IL16: variants seen among roughly 807,000 people sequenced by gnomAD.
The protein encoded by IL16 is pro-interleukin-16.
In IL16, 67 loss-of-function variants were observed where a neutral mutation model predicts 110.1. The observed-to-expected ratio is 0.61, with a 90% CI of 0.50 to 0.75. The LOEUF is 0.75. Among genes scored for constraint, IL16 ranks in the 30% least tolerant of loss-of-function variants. The probability of loss-of-function intolerance (pLI) is 0.00; values close to 1 mark genes in which losing one functional copy is unlikely to be tolerated. For synonymous variants in IL16, 689 were observed against 662.9 expected (o/e 1.04, Z -0.61); for missense variants, 1,545 against 1,655.0 (o/e 0.93, Z 1.15).
intron 1 of IL16, among the ~76,000 whole-genome samples, 185 bp from the exon 2 acceptor site, chr15:81,225,114 C>T (rs68193205): frequency 0.084 from 12,831 of 152,140 alleles, 554 homozygotes; most frequent in Middle Eastern, 0.1. Context: ...GGGTGTTAAC[C>T]GCTTGGGTTA....
chr15:81,243,165 T>TATATATATATA (rs1595985718), intron 2 of IL16, among the ~76,000 whole-genome samples: 1 of 13,378 alleles, frequency 7.5e-5, no homozygotes, highest in African/African-American at 3.9e-4. Flanking sequence ...ATATATATAT[T>TATATATATATA]TTTTTTTTTT....
At chr15:81,279,801 G>A in intron 8 of IL16, 27 bp downstream of exon 8, 2 of 1,597,332 alleles carry the variant, frequency 1.3e-6, no homozygotes, top group Non-Finnish European at 1.7e-6. Flanking sequence ...TGTGTCCCGT[G>A]CCTGGGTCTC....
At chr15:81,281,942 CA>C (rs767725050) in intron 8 of IL16, among the ~76,000 whole-genome samples, 1 of 152,208 alleles carries the variant, frequency 6.6e-6, no homozygotes, top group South Asian at 2.1e-4. Context: ...TTTCCCTTCA[CA>C]GTAGCCAGAT....
chr15:81,221,683 TA>T (rs34717132), intron 1 of IL16, among the ~76,000 whole-genome samples: 148 of 148,734 alleles, frequency 1.0e-3, no homozygotes, highest in Middle Eastern at 3.5e-3. Context: ...TCTCTTCCTT[TA>T]AAAAAAAAAA....
At position 81,300,185 on chromosome 15, in the gene IL16, A is replaced by T. The variant is rs888608411; in HGVS notation, c.2859A>T (p.Gln953His). 1 of 1,614,164 alleles carries T rather than the reference A, an allele frequency of 6.2e-7. No individual in the cohort carries two copies. The highest frequency in any genetic ancestry group is 1.3e-5 in the African/African-American group (1 of 75,038). The change falls in exon 14 of 19, where the codon CAA becomes CAT. Residue 953 changes from glutamine to histidine, a missense_variant. By Grantham distance (24) the Gln-to-His change is conservative. Around this residue, in one of 3 missense-constraint regions of IL16, gnomAD observed 1,185 missense variants for 1,238.8 expected, o/e 0.96. Transcript: ENST00000683961. ...RLLSTQAEESQGPVLKMPSQR... is the reference protein window; with the variant it reads ...RLLSTQAEESHGPVLKMPSQR... ...TGTCAACACAGGCTGAGGAATCTCAAGGCCCAGTGCTCAAGATGCCTAGCC... is the reference window on the plus strand; with the variant it reads ...TGTCAACACAGGCTGAGGAATCTCATGGCCCAGTGCTCAAGATGCCTAGCC...
At chr15:81,234,809 A>C (rs1040329139) in intron 2 of IL16, among the ~76,000 whole-genome samples, 21 of 152,266 alleles carry the variant, frequency 1.4e-4, no homozygotes, top group African/African-American at 5.1e-4. Flanking sequence ...CTAAAAAGTT[A>C]TAAGTCAAGG....
intron 1 of IL16, among the ~76,000 whole-genome samples, chr15:81,218,509 A>T (rs942992910): frequency 6.6e-6 from 1 of 152,196 alleles, no homozygotes; most frequent in Non-Finnish European, 1.5e-5. Flanking sequence ...CTACTAGCTG[A>T]CAAAATTAAG....
Position 81,225,430 on chromosome 15 carries a change from A to G in IL16, c.31A>G (p.Arg11Gly), listed in dbSNP as rs1339578125. 1 of 1,614,198 alleles carries G rather than the reference A, an allele frequency of 6.2e-7. No homozygotes were observed. Among genetic ancestry groups the G allele is most frequent in the East Asian group, 2.2e-5 (1 of 44,880 alleles). MESHSRAGKS[R>G]KSAKFRSISR... The stretch of plus-strand genomic sequence containing the variant: ...GTCGCACAGCCGCGCTGGAAAGAGC[A>G]GAAAATCTGCAAAATTTCGGTCCAT... The change falls in exon 2 of 19, where the codon AGA becomes GGA. Residue 11 changes from arginine to glycine, a missense_variant. Physicochemically the swap from Arg to Gly is moderately radical, Grantham distance 125. Around this residue, in one of 3 missense-constraint regions of IL16, gnomAD observed 1,185 missense variants for 1,238.8 expected, o/e 0.96. Transcript: ENST00000683961.
At chr15:81,205,850 A>C (rs1895997382) in intron 1 of IL16, among the ~76,000 whole-genome samples, 1 of 152,218 alleles carries the variant, frequency 6.6e-6, no homozygotes, top group Admixed American at 6.5e-5. Flanking sequence ...AATTAAAAGA[A>C]AGTGAGGTGT....
At chr15:81,228,127 G>C (rs1896848679) in intron 2 of IL16, among the ~76,000 whole-genome samples, 1 of 152,110 alleles carries the variant, frequency 6.6e-6, no homozygotes, top group East Asian at 1.9e-4. Flanking sequence ...GGAGAGGTCT[G>C]AATGCTTATG....
chr15:81,301,703 G>A (rs567357588), intron 15 of IL16, among the ~76,000 whole-genome samples, 191 bp downstream of exon 15: 1 of 152,328 alleles, frequency 6.6e-6, no homozygotes, highest in South Asian at 2.1e-4. Context: ...CTTTTAGCTT[G>A]TGAACCACTT....
intron 12 of IL16, 92 bp from the exon 13 acceptor site, chr15:81,296,836 T>C (rs1900007888): frequency 8.7e-7 from 1 of 1,155,564 alleles, no homozygotes; most frequent in Non-Finnish European, 1.2e-6. Flanking sequence ...CAGCTCAATA[T>C]CCGTTTTTCC....
rs912276269 is a variant in IL16 at position 81,300,580 on chromosome 15, T to C, written c.3149+105T>C. ...ATATAATTTAAAAAATTCCCAGATA[T>C]ATTGATTAAAGAATTGTTCTGCCTC... On this transcript the variant is annotated intron_variant, in intron 14 of 18. Transcript: ENST00000683961. The C allele has an allele frequency of 1.1e-5, 8 of 696,396 alleles. No homozygotes were observed. The African/African-American group carries it at 1.3e-4, about 11-fold the overall frequency. The allele number at this position is 696,396 out of a possible 1,614,324, so 43.1% of individuals were successfully genotyped here. A position where few individuals can be genotyped will look rare whatever the true frequency, so the allele number is the denominator to read the frequency against.
rs544386450 is a variant in IL16, at chr15:81,257,478, C to T, written c.313-2294C>T. Among the ~76,000 whole-genome samples the T allele has an allele frequency of 2.3e-4, 35 of 152,274 alleles. 1 individual carries two copies. The East Asian group carries it at 4.2e-3, about 18-fold the overall frequency. On this transcript the variant is annotated intron_variant, in intron 2 of 18. Coordinates refer to ENST00000683961, the MANE Select transcript of IL16 (RefSeq NM_172217.5). ...CAACACATTCTGGAACTCATGAGAA[C>T]TTTCTGCACGACAAAGTGCAGGTGA...
At chr15:81,189,619 A>T (rs1403976902) in intron 1 of IL16, among the ~76,000 whole-genome samples, 1 of 152,112 alleles carries the variant, frequency 6.6e-6, no homozygotes. Flanking sequence ...AGGGGGTGTC[A>T]GGGAAGTCTT....
chr15:81,203,798 A>T (rs1023873389), intron 1 of IL16, among the ~76,000 whole-genome samples: 1 of 152,104 alleles, frequency 6.6e-6, no homozygotes, highest in Non-Finnish European at 1.5e-5. Flanking sequence ...TTGACTTGGC[A>T]ATGCGGGCTC....
In IL16 at chr15:81,292,631, C is replaced by T. The variant is rs758088675; in HGVS notation, c.1496C>T (p.Pro499Leu). 1.2e-5 allele frequency: 20 copies of T among 1,611,246 alleles called. No homozygotes were observed. Among genetic ancestry groups the T allele is most frequent in the East Asian group, 4.5e-5 (2 of 44,778 alleles). ...GAACGAGAGAAGAACTCAGCACCCC[C>T]GCATCGCAGGGCTCAGAAGGTCATG... ...EKEREKNSAP[P>L]HRRAQKVMIR... is the part of the protein sequence containing the mutation. The change falls in exon 12 of 19, where the codon CCG becomes CTG. Residue 499 changes from proline (P) to leucine (L), a missense_variant. Coordinates refer to ENST00000683961, the MANE Select transcript of IL16 (RefSeq NM_172217.5).
chr15:81,248,725 T>TTC, intron 2 of IL16, among the ~76,000 whole-genome samples: 1 of 143,218 alleles, frequency 7.0e-6, no homozygotes, highest in South Asian at 2.2e-4. Context: ...CTTTCTTTTT[T>TTC]TTTTTTTTTT....
At chr15:81,246,433 G>A (rs1897552844) in intron 2 of IL16, among the ~76,000 whole-genome samples, 1 of 152,142 alleles carries the variant, frequency 6.6e-6, no homozygotes, top group African/African-American at 2.4e-5. Context: ...CATACACTTT[G>A]TGATCTTTTA....
Sources: gnomAD v4.1 joint callset for allele counts (sites outside exome capture counted in the v4.1 genomes callset) on GRCh38, gnomAD v4.1.1 for gene constraint, gnomAD v4.1.1 regional missense constraint, MANE v1.5 for transcripts, NCBI Gene and HGNC (gene_info 2026-07-23, HGNC 2026-07-21) for gene names.